The following DLEC1 variants were observed in gnomAD, a reference collection of about 807,000 sequenced individuals.
DLEC1 encodes the protein deleted in lung and esophageal cancer protein 1.
DLEC1 carries 146 observed loss-of-function variants against 198.1 expected under a neutral mutation model. The ratio of observed to expected loss-of-function variants is 0.74; its 90% confidence interval spans 0.64 to 0.85. DLEC1 has a LOEUF of 0.85. DLEC1 is among the 40% of genes least tolerant of loss of function. The pLI is 0.00. For synonymous variants in DLEC1, 897 were observed against 866.8 expected (o/e 1.03, Z -0.61); for missense variants, 2,233 against 2,220.0 (o/e 1.01, Z -0.12).
Position 38,086,316 on chromosome 3 carries a change from GT to G in DLEC1, c.1514del (p.Phe505SerfsTer17). Reference protein sequence around the residue: ...KMTRFICKNVGFSVGRFCIMP... With the variant: ...KMTRFICKNVXFSVGRFCIMP... ...ACCAGATTCATCTGCAAAAATGTGG[GT>G]TTCAGTGTTGGCAGGTTCTGCATTA... On this transcript the variant is annotated frameshift_variant, in exon 9 of 37. Coordinates refer to ENST00000308059, the MANE Select transcript of DLEC1 (RefSeq NM_007335.4). LOFTEE classifies it high-confidence loss of function. 4 of 1,613,350 alleles carry G rather than the reference GT, an allele frequency of 2.5e-6. No homozygotes were observed. The highest frequency in any genetic ancestry group is 3.4e-6 in the Non-Finnish European group (4 of 1,179,606).
At chr3:38,093,549 G>A in intron 11 of DLEC1, 56 bp from the exon 12 acceptor site, 2 of 1,606,154 alleles carry the variant, frequency 1.2e-6, no homozygotes, top group Admixed American at 1.7e-5. Flanking sequence ...CAGCAGCCTT[G>A]GCCTGATTTC....
chr3:38,046,456 ACT>A (rs1478671987), intron 2 of DLEC1, among the ~76,000 whole-genome samples: 1 of 151,718 alleles, frequency 6.6e-6, no homozygotes, highest in East Asian at 1.9e-4. Flanking sequence ...TCCTGCACAC[ACT>A]CTCTTGCCTT....
At chr3:38,115,297 C>T (rs553216964) in intron 27 of DLEC1, among the ~76,000 whole-genome samples, 1 of 152,226 alleles carries the variant, frequency 6.6e-6, no homozygotes, top group Non-Finnish European at 1.5e-5. Flanking sequence ...CAGGACCTGA[C>T]CTGCCTGAGA....
rs1464963819 is a variant in DLEC1, at chr3:38,123,419, A to AAGACACAATCCC, written c.*1009_*1020dup. ...CCCCAGGGATCGATCATAATCCCAA[A>AAGACACAATCCC]AGACACAATCCCAAACACAATCATC... On this transcript the variant is annotated 3_prime_UTR_variant, in exon 37 of 37. Coordinates refer to ENST00000308059, the MANE Select transcript of DLEC1 (RefSeq NM_007335.4). The AAGACACAATCCC allele has an allele frequency of 3.1e-6, 1 of 323,852 alleles. No homozygotes were observed. Among genetic ancestry groups the AAGACACAATCCC allele is most frequent in the Non-Finnish European group, 5.7e-6 (1 of 175,634 alleles). 20.1% of individuals were successfully genotyped at this position (323,852 alleles called of 1,614,324 possible).
At position 38,110,910 on chromosome 3, in the gene DLEC1, G is replaced by A. The variant is rs554451824; in HGVS notation, c.3443+629G>A. On this transcript the variant is annotated intron_variant, in intron 23 of 36. Coordinates refer to ENST00000308059, the MANE Select transcript of DLEC1 (RefSeq NM_007335.4). ...CACAAATATACACACATACACATAT[G>A]TATACACATATACACATGCACACAC... Among the ~76,000 whole-genome samples the A allele has an allele frequency of 2.0e-3, 301 of 151,686 alleles. 1 individual carries two copies. The highest frequency in any genetic ancestry group is 7.0e-3 in the African/African-American group (291 of 41,300).
At chr3:38,042,500 G>T (rs1700701401) in intron 1 of DLEC1, among the ~76,000 whole-genome samples, 1 of 148,588 alleles carries the variant, frequency 6.7e-6, no homozygotes, top group Non-Finnish European at 1.5e-5. Context: ...TACAAAAAAA[G>T]AAACTTTGAA....
Position 38,084,242 on chromosome 3 carries a change from C to A in DLEC1, c.1258C>A (p.Leu420Met). Residue 420 changes from leucine (L) to methionine (M), a missense_variant, in exon 7 of 37, where the codon CTG becomes ATG. Transcript: ENST00000308059. The part of the protein sequence containing the change: ...PPSTPYFALG[L>M]GMFPGKGGMV... Reference sequence around the variant, plus strand: ...TTCCACGCCATACTTCGCTCTGGGACTGGGTAAGTTCAGTATTTGTAAGTT... The same window carrying A: ...TTCCACGCCATACTTCGCTCTGGGAATGGGTAAGTTCAGTATTTGTAAGTT... The A allele has an allele frequency of 6.2e-7, 1 of 1,611,848 alleles. No individual in the cohort carries two copies. The highest frequency in any genetic ancestry group is 1.7e-4 in the Middle Eastern group (1 of 6,042).
rs576345239 is a variant in DLEC1 at position 38,096,837 on chromosome 3, A to C, written c.2340+100A>C. The C allele has an allele frequency of 4.8e-5, 65 of 1,367,352 alleles. 2 individuals carry two copies. In the South Asian group the frequency reaches 8.6e-4, roughly 18 times the overall value. 84.7% of individuals were successfully genotyped at this position (1,367,352 alleles called of 1,614,324 possible). A position where few individuals can be genotyped will look rare whatever the true frequency, so the allele number is the denominator to read the frequency against. ...GCAGGAGGGGCAGATGGTAGCAGCC[A>C]CTGCATGGAGGCTGAGGCCATTCCC... is the stretch of plus-strand genomic sequence containing the variant. On this transcript the variant is annotated intron_variant, in intron 15 of 36. Transcript: ENST00000308059.
intron 2 of DLEC1, 113 bp downstream of exon 2, chr3:38,045,806 C>T (rs142209590): frequency 5.0e-4 from 551 of 1,096,994 alleles, no homozygotes; most frequent in East Asian, 4.5e-3. Context: ...GAGAGCAAGT[C>T]GCAGACATGA....
At position 38,092,799 on chromosome 3, in the gene DLEC1, TC is replaced by T. The variant is rs1698809235; in HGVS notation, c.1679del (p.Pro560GlnfsTer4). 6.2e-7 allele frequency: 1 copy of T among 1,613,910 alleles called. No homozygotes were observed. The highest frequency in any genetic ancestry group is 8.5e-7 in the Non-Finnish European group (1 of 1,179,974). Reference sequence around the variant, plus strand: ...CCCTTCTCTCCCCCAGGTCTTGTTTTCCCCAAAGAGCCTAGGAAAGGCAGAG... The same window carrying T: ...CCCTTCTCTCCCCCAGGTCTTGTTTTCCCAAAGAGCCTAGGAAAGGCAGAG... ...GHAILVEVLF[S>X]PKSLGKAEQT... On this transcript the variant is annotated frameshift_variant, in exon 11 of 37. Coordinates refer to ENST00000308059, the MANE Select transcript of DLEC1 (RefSeq NM_007335.4). LOFTEE classifies it high-confidence loss of function.
rs145737003 is a variant in DLEC1 at position 38,046,328 on chromosome 3, C to T, written c.562+635C>T. Among the ~76,000 whole-genome samples, 437 of 152,232 alleles carry T rather than the reference C, an allele frequency of 2.9e-3. 3 individuals carry two copies. Among genetic ancestry groups the T allele is most frequent in the African/African-American group, 0.01 (419 of 41,534 alleles). On this transcript the variant is annotated intron_variant, in intron 2 of 36. Transcript: ENST00000308059. ...TGAATTGTAGCTCCCGTAATCCCCACGTGTCATGGGAGGGACCTGGTGGAA... is the reference window on the plus strand; with the variant it reads ...TGAATTGTAGCTCCCGTAATCCCCATGTGTCATGGGAGGGACCTGGTGGAA...
chr3:38,085,823 G>A (rs908143830), intron 8 of DLEC1, among the ~76,000 whole-genome samples: 1 of 152,178 alleles, frequency 6.6e-6, no homozygotes, highest in Non-Finnish European at 1.5e-5. Flanking sequence ...CCTCGTGGCT[G>A]TGGGGGTAGG....
At chr3:38,079,104 A>C (rs1397830645) in intron 6 of DLEC1, among the ~76,000 whole-genome samples, 1 of 152,094 alleles carries the variant, frequency 6.6e-6, no homozygotes, top group African/African-American at 2.4e-5. Flanking sequence ...GAGTAGAGGT[A>C]TCTTATACTT....
In DLEC1 at chr3:38,093,745, CA is replaced by C. The variant is rs1227096362; in HGVS notation, c.1898del (p.Gln633ArgfsTer2). 6.2e-7 allele frequency: 1 copy of C among 1,614,076 alleles called. No homozygotes were observed. The highest frequency in any genetic ancestry group is 1.3e-5 in the African/African-American group (1 of 74,930). ...PENLRSTARK[Q>X]LIIRNATHVE... ...AAACCTTCGGTCCACGGCTAGGAAG[CA>C]GCTGATTATTAGAAATGCTACGTGG... On this transcript the variant is annotated frameshift_variant, in exon 12 of 37. Transcript: ENST00000308059. LOFTEE classifies it high-confidence loss of function.
Position 38,116,991 on chromosome 3 carries a change from G to T in DLEC1, c.4196G>T (p.Gly1399Val), listed in dbSNP as rs915645. Residue 1399 changes from glycine (G) to valine (V), a missense_variant, in exon 30 of 37, where the codon GGC becomes GTC. Coordinates refer to ENST00000308059, the MANE Select transcript of DLEC1 (RefSeq NM_007335.4). ...CTATGCCAGGTGGTCCCTGCTGGGG[G>T]CAGCAGTACCATCTACATCTCCTTC... ...SPKQVVVPAG[G>V]SSTIYISFTP... 6.2e-7 allele frequency: 1 copy of T among 1,613,886 alleles called. No individual in the cohort carries two copies. The highest frequency in any genetic ancestry group is 1.1e-5 in the South Asian group (1 of 91,084).
chr3:38,074,401 T>C (rs1697491528), intron 6 of DLEC1, among the ~76,000 whole-genome samples: 1 of 152,220 alleles, frequency 6.6e-6, no homozygotes, highest in African/African-American at 2.4e-5. Context: ...AAAATGCATA[T>C]TGAGAATAAG....
At chr3:38,111,581 G>C in intron 23 of DLEC1, 96 bp from the exon 24 acceptor site, 1 of 1,351,274 alleles carries the variant, frequency 7.4e-7, no homozygotes, top group East Asian at 2.6e-5. Flanking sequence ...TCCTCTGCTG[G>C]GCACCTGGTA....
chr3:38,084,690 A>C (rs1435236168), intron 7 of DLEC1, among the ~76,000 whole-genome samples: 1 of 148,848 alleles, frequency 6.7e-6, no homozygotes, highest in Non-Finnish European at 1.5e-5. Flanking sequence ...TCCCGCCCTG[A>C]GTCTACAGCC....
At position 38,079,565 on chromosome 3, in the gene DLEC1, GA is replaced by G. The variant is rs375046270; in HGVS notation, c.1174-4591del. On this transcript the variant is annotated intron_variant, in intron 6 of 36. Coordinates refer to ENST00000308059, the MANE Select transcript of DLEC1 (RefSeq NM_007335.4). The stretch of plus-strand genomic sequence containing the variant: ...CAGGCACTAAGCCAAGAAGACCTGG[GA>G]AGGAGTCAGTCAGAGAGCCTTGGGC... Among the ~76,000 whole-genome samples, 35 of 152,352 alleles carry G rather than the reference GA, an allele frequency of 2.3e-4. No individual in the cohort carries two copies. In the East Asian group the frequency reaches 3.9e-3, roughly 17 times the overall value.
Sources: gnomAD v4.1 joint callset for allele counts (sites outside exome capture counted in the v4.1 genomes callset) on GRCh38, gnomAD v4.1.1 for gene constraint, MANE v1.5 for transcripts, NCBI Gene and HGNC (gene_info 2026-07-23, HGNC 2026-07-21) for gene names.